The following TTC39A variants were observed in gnomAD, a reference collection of about 807,000 sequenced individuals.
The protein encoded by TTC39A is tetratricopeptide repeat protein 39A.
A neutral mutation model predicts 82.3 loss-of-function variants in TTC39A; 46 were observed. The ratio of observed to expected loss-of-function variants is 0.56; its 90% CI spans 0.44 to 0.71. TTC39A has a LOEUF of 0.71. Among genes scored for constraint, TTC39A ranks in the 30% least tolerant of loss-of-function variants. The pLI is 0.00. For missense variants in TTC39A, 543 were observed against 712.9 expected, an observed-to-expected ratio of 0.76 and a Z score of 2.71; for synonymous variants, 254 against 275.2, an observed-to-expected ratio of 0.92 and a Z score of 0.76.
chr1:51,309,539 T>TGGAGAGA (rs1645005802), intron 5 of TTC39A: 2 of 1,224,564 alleles, frequency 1.6e-6, no homozygotes, highest in East Asian at 5.9e-5. Context: ...ACACATACTC[T>TGGAGAGA]GTGCTTGGAG....
rs1645857279 is a variant in TTC39A, at chr1:51,330,283, G to A, written c.41+154C>T. 1.0e-6 allele frequency: 1 copy of A among 953,444 alleles called. No homozygotes were observed. Among genetic ancestry groups the A allele is most frequent in the Non-Finnish European group, 1.2e-6 (1 of 801,400 alleles). The allele number at this position is 953,444 out of a possible 1,614,324, so 59.1% of individuals were successfully genotyped here. On this transcript the variant is annotated intron_variant, in intron 1 of 17. Transcript: ENST00000680483. This position sits in a 1 kb window ranked among gnomAD's most constrained non-coding sequence, Gnocchi z 4.5. ...CCCCCTGCCCCCACTCCTGGCAGCG[G>A]CGGCGGCTGCCAGGGGCCGGGCGGG... is the stretch of plus-strand genomic sequence containing the variant.
At chr1:51,341,719 A>AC (rs34559746) in intron 1 of TTC39A, among the ~76,000 whole-genome samples, 6 of 145,460 alleles carry the variant, frequency 4.1e-5, no homozygotes, top group Middle Eastern at 3.6e-3. Flanking sequence ...ACACACACAC[A>AC]AAAAAAACCT....
At position 51,312,921 on chromosome 1, in the gene TTC39A, A is replaced by T; in HGVS notation, c.169T>A (p.Ser57Thr). 6.2e-7 allele frequency: 1 copy of T among 1,613,732 alleles called. No individual in the cohort carries two copies. Residue 57 changes from serine to threonine, a missense_variant, in exon 3 of 18, where the codon TCA becomes ACA. Ser to Thr is a moderately conservative substitution (Grantham distance 58, BLOSUM62 1). Transcript: ENST00000680483. Reference protein sequence around the residue: ...KPRTKESMYHSLTYATILEMQ... With the variant: ...KPRTKESMYHTLTYATILEMQ... ...TCCAGGATGGTGGCATATGTCAGTG[A>T]GTGGTACATGCTTTCCTTGGTTCTG...
At chr1:51,342,962 C>T in intron 1 of TTC39A, 1 of 436,968 alleles carries the variant, frequency 2.3e-6, no homozygotes, top group Non-Finnish European at 4.7e-6. Flanking sequence ...ACGCCAGCCT[C>T]CCCTCTGCTC....
intron 6 of TTC39A, among the ~76,000 whole-genome samples, chr1:51,307,563 A>G (rs1053836924): frequency 6.6e-6 from 1 of 151,968 alleles, no homozygotes; most frequent in African/African-American, 2.4e-5. Flanking sequence ...GTGAAACCCC[A>G]TCTCTACTAA....
At chr1:51,319,175 A>T (rs1450016309) in intron 2 of TTC39A, among the ~76,000 whole-genome samples, 1 of 152,214 alleles carries the variant, frequency 6.6e-6, no homozygotes, top group Non-Finnish European at 1.5e-5. Flanking sequence ...ACCAAGAAGA[A>T]GATGTTATAG....
intron 12 of TTC39A, among the ~76,000 whole-genome samples, chr1:51,296,422 A>T (rs1009406283): frequency 2.6e-5 from 4 of 152,250 alleles, no homozygotes; most frequent in Non-Finnish European, 5.9e-5. Context: ...AATAGGCAGG[A>T]CAGACTGGGG....
chr1:51,327,673 A>G (rs899158726), intron 1 of TTC39A, among the ~76,000 whole-genome samples: 6 of 148,080 alleles, frequency 4.1e-5, no homozygotes, highest in Non-Finnish European at 7.5e-5. Flanking sequence ...AGTAATTATT[A>G]TTTTTTTCTA....
intron 2 of TTC39A, among the ~76,000 whole-genome samples, chr1:51,313,309 C>A (rs112799675): frequency 6.6e-6 from 1 of 152,080 alleles, no homozygotes; most frequent in African/African-American, 2.4e-5. Flanking sequence ...TTGCCTTCTG[C>A]CCCCACCTCC....
chr1:51,302,040 T>A (rs892176013), intron 11 of TTC39A: 1 of 702,896 alleles, frequency 1.4e-6, no homozygotes, highest in African/African-American at 1.8e-5. Context: ...AGCCTAATCG[T>A]CATGCCCTAA....
At chr1:51,337,874 G>A (rs1645993806) in intron 1 of TTC39A, among the ~76,000 whole-genome samples, 1 of 151,880 alleles carries the variant, frequency 6.6e-6, no homozygotes, top group Non-Finnish European at 1.5e-5. Flanking sequence ...AGTTCCACAG[G>A]TAGGGCTTTT....
At chr1:51,301,394 G>T (rs150974870) in intron 12 of TTC39A, 178 bp downstream of exon 12, 9 of 724,696 alleles carry the variant, frequency 1.2e-5, no homozygotes, top group Admixed American at 3.0e-5. Context: ...ACACATTGTG[G>T]TTCAGAAGTT....
At chr1:51,312,232 G>T (rs1455698790) in intron 3 of TTC39A, 37 bp from the exon 4 acceptor site, 2 of 1,562,904 alleles carry the variant, frequency 1.3e-6, no homozygotes, top group Admixed American at 3.7e-5. Flanking sequence ...GTGAGGATTA[G>T]AGAGAGGCCA....
In TTC39A at chr1:51,321,845, G is replaced by A; in HGVS notation, c.42-20C>T. The A allele has an allele frequency of 1.9e-6, 3 of 1,601,980 alleles. No homozygotes were observed. The highest frequency in any genetic ancestry group is 2.6e-6 in the Non-Finnish European group (3 of 1,172,196). On this transcript the variant is annotated intron_variant, in intron 1 of 17. Coordinates refer to ENST00000680483, the MANE Select transcript of TTC39A (RefSeq NM_001297663.2). The surrounding 1 kb of genome is among the most constrained non-coding windows in gnomAD (Gnocchi z 4.6). ...GGAGTCCTGGGGGAAGAGATGCGGG[G>A]CATGACACAGGGGCCCTCCAACCCT...
chr1:51,323,532 T>C (rs549987475), intron 1 of TTC39A, among the ~76,000 whole-genome samples: 2 of 152,354 alleles, frequency 1.3e-5, no homozygotes, highest in South Asian at 2.1e-4. Context: ...TTCTCTCTTC[T>C]CTGTTAGACC....
At chr1:51,306,865 C>A (rs1002969634) in intron 6 of TTC39A, among the ~76,000 whole-genome samples, 6 of 106,892 alleles carry the variant, frequency 5.6e-5, no homozygotes, top group Non-Finnish European at 9.5e-5. Context: ...CCCCCCCCCC[C>A]GCCCCCCGAT....
chr1:51,289,898 G>A (rs1043045451), intron 16 of TTC39A, 107 bp downstream of exon 16: 8 of 811,574 alleles, frequency 9.9e-6, no homozygotes, highest in Non-Finnish European at 1.6e-5. Context: ...TGTGGTGAGT[G>A]GGGGTTGGCT....
chr1:51,305,002 C>A, intron 8 of TTC39A, 79 bp downstream of exon 8: 2 of 1,510,174 alleles, frequency 1.3e-6, no homozygotes, highest in East Asian at 4.6e-5. Flanking sequence ...GGCCCTGTGG[C>A]CTGTCAGCCC....
chr1:51,344,971 TC>T (rs1180893828), intron 1 of TTC39A: 1 of 1,525,182 alleles, frequency 6.6e-7, no homozygotes, highest in East Asian at 2.7e-5. Context: ...TTCCGCCGAG[TC>T]CCCACCCCTG....
Sources: gnomAD v4.1 joint callset for allele counts (sites outside exome capture counted in the v4.1 genomes callset) on GRCh38, gnomAD v4.1.1 for gene constraint, Gnocchi (gnomAD v3.1) non-coding constraint, MANE v1.5 for transcripts, NCBI Gene and HGNC (gene_info 2026-07-23, HGNC 2026-07-21) for gene names.